PPP6R3: variants seen among roughly 807,000 people sequenced by gnomAD.
PPP6R3 encodes the protein protein phosphatase 6 regulatory subunit 3.
In PPP6R3, 38 loss-of-function variants were observed where a neutral mutation model predicts 110.7. The observed-to-expected ratio is 0.34, with a 90% confidence interval of 0.26 to 0.45. The LOEUF is 0.45. Among genes scored for constraint, PPP6R3 ranks in the 20% least tolerant of loss-of-function variants. The pLI is 1.00. For synonymous variants in PPP6R3, 369 were observed against 373.5 expected (o/e 0.99, Z 0.14); for missense variants, 870 against 1,062.4 (o/e 0.82, Z 2.52).
chr11:68,525,092 C>T (rs1053661099), intron 2 of PPP6R3, among the ~76,000 whole-genome samples: 5 of 152,196 alleles, frequency 3.3e-5, no homozygotes, highest in African/African-American at 9.7e-5. Context: ...GCTAGTCAGA[C>T]CTGGGTTTGT....
chr11:68,597,204 G>A (rs1017271112), intron 19 of PPP6R3, among the ~76,000 whole-genome samples: 1 of 152,208 alleles, frequency 6.6e-6, no homozygotes, highest in African/African-American at 2.4e-5. Context: ...GCAGTGCAGG[G>A]GAATGGGTAC....
chr11:68,602,184 G>A (rs2099633981), intron 21 of PPP6R3, among the ~76,000 whole-genome samples: 2 of 152,232 alleles, frequency 1.3e-5, no homozygotes, highest in Admixed American at 1.3e-4. Context: ...CAGGCATGCA[G>A]TGTGCAGATT....
chr11:68,596,157 A>C lies in PPP6R3; in HGVS notation c.1977A>C (p.Gln659His), dbSNP rs2099613316. ...CTGAAGAAGAAGATGGAGCAAAGCAAGACTTGTTTGAACCCAGCAGTGCCA... is the reference window on the plus strand; with the variant it reads ...CTGAAGAAGAAGATGGAGCAAAGCACGACTTGTTTGAACCCAGCAGTGCCA... ...TDSEEEDGAK[Q>H]DLFEPSSANT... The change falls in exon 19 of 24, where the codon CAA becomes CAC. Residue 659 changes from glutamine to histidine, a missense_variant. Coordinates refer to ENST00000393800, the MANE Select transcript of PPP6R3 (RefSeq NM_001164161.2). The C allele has an allele frequency of 6.2e-7, 1 of 1,614,218 alleles. No individual in the cohort carries two copies. The highest frequency in any genetic ancestry group is 2.2e-5 in the East Asian group (1 of 44,894).
intron 1 of PPP6R3, among the ~76,000 whole-genome samples, chr11:68,510,258 C>T (rs2099102172): frequency 6.6e-6 from 1 of 151,972 alleles, no homozygotes; most frequent in Admixed American, 6.6e-5. Flanking sequence ...AGTGATTTGT[C>T]TTAGCTTCTC....
chr11:68,475,730 C>A (rs1386752446), intron 1 of PPP6R3, among the ~76,000 whole-genome samples: 4 of 151,864 alleles, frequency 2.6e-5, no homozygotes, highest in African/African-American at 9.7e-5. Flanking sequence ...GGAGACGCTC[C>A]TCACTTCTCA....
chr11:68,477,743 T>C (rs7113504), intron 1 of PPP6R3, among the ~76,000 whole-genome samples: 1 of 60,988 alleles, frequency 1.6e-5, no homozygotes, highest in East Asian at 3.5e-4. Flanking sequence ...AAAAAAAAAA[T>C]ATATATATAT....
At chr11:68,535,213 C>T (rs145063015) in intron 2 of PPP6R3, among the ~76,000 whole-genome samples, 3 of 152,280 alleles carry the variant, frequency 2.0e-5, no homozygotes, top group Admixed American at 6.5e-5. Context: ...GTGGCTTCTG[C>T]GGATGCCCCT....
At chr11:68,491,274 A>T (rs909231842) in intron 1 of PPP6R3, among the ~76,000 whole-genome samples, 5 of 149,378 alleles carry the variant, frequency 3.3e-5, no homozygotes, top group Admixed American at 6.7e-5. Context: ...TTTATTAAAA[A>T]TTTTTTTTTC....
At chr11:68,485,270 G>T (rs2098939266) in intron 1 of PPP6R3, among the ~76,000 whole-genome samples, 1 of 142,986 alleles carries the variant, frequency 7.0e-6, no homozygotes, top group South Asian at 2.2e-4. Flanking sequence ...ATAAGTTCTG[G>T]GACTTTTTTT....
intron 8 of PPP6R3, among the ~76,000 whole-genome samples, chr11:68,559,471 A>G (rs1390586532): frequency 2.6e-5 from 4 of 152,228 alleles, no homozygotes; most frequent in African/African-American, 9.6e-5. Context: ...TCATTAAGCA[A>G]GGGATAGAGT....
intron 22 of PPP6R3, chr11:68,609,598 C>T (rs1305066742): frequency 6.4e-7 from 1 of 1,551,866 alleles, no homozygotes; most frequent in South Asian, 1.2e-5. Flanking sequence ...CTGTTTTGCA[C>T]ACTGGGCTTC....
intron 1 of PPP6R3, among the ~76,000 whole-genome samples, chr11:68,509,744 ATTTTT>A (rs59022544): frequency 1.6e-4 from 16 of 102,150 alleles, no homozygotes; most frequent in East Asian, 5.9e-4. Flanking sequence ...CATGTGGCTA[ATTTTT>A]TTTTTTTTTT....
At chr11:68,612,218 C>G (rs1042706622) in intron 23 of PPP6R3, among the ~76,000 whole-genome samples, 1 of 152,176 alleles carries the variant, frequency 6.6e-6, no homozygotes, top group African/African-American at 2.4e-5. Flanking sequence ...GTCTCTCATA[C>G]ACGGAGCCAC....
intron 1 of PPP6R3, among the ~76,000 whole-genome samples, chr11:68,493,200 A>C (rs1275804390): frequency 1.3e-5 from 2 of 152,152 alleles, no homozygotes; most frequent in Admixed American, 6.5e-5. Flanking sequence ...ACTTCCAAAG[A>C]CTAGTTATTT....
intron 2 of PPP6R3, among the ~76,000 whole-genome samples, chr11:68,533,371 T>G (rs2099251355): frequency 6.6e-6 from 1 of 152,118 alleles, no homozygotes; most frequent in Non-Finnish European, 1.5e-5. Flanking sequence ...TATTTCAAGG[T>G]GTTCTTATTT....
chr11:68,464,883 C>CTTTT (rs35642999), intron 1 of PPP6R3, among the ~76,000 whole-genome samples: 1 of 140,140 alleles, frequency 7.1e-6, no homozygotes, highest in Admixed American at 7.2e-5. Context: ...CCAGCTTCAA[C>CTTTT]TTTTTTTTTT....
Position 68,569,748 on chromosome 11 carries a change from A to G in PPP6R3, c.1129A>G (p.Asn377Asp), listed in dbSNP as rs1258726884. The change falls in exon 11 of 24, where the codon AAC (asparagine) becomes GAC (aspartate). Residue 377 changes from asparagine to aspartate, a missense_variant and splice_region_variant. By Grantham distance (23) the Asn-to-Asp change is conservative. Transcript: ENST00000393800. ...MELNSIGVIL[N>D]MFFKYTWNNF... ...AAAACATGGTTTTTCTTTTTTGTAG[A>G]ACATGTTCTTCAAGTATACATGGAA... The G allele has an allele frequency of 6.4e-7, 1 of 1,571,424 alleles. No individual in the cohort carries two copies. Among genetic ancestry groups the G allele is most frequent in the African/African-American group, 1.4e-5 (1 of 73,786 alleles).
At chr11:68,609,692 T>A in intron 22 of PPP6R3, 2 of 1,578,054 alleles carry the variant, frequency 1.3e-6, no homozygotes, top group South Asian at 1.1e-5. Flanking sequence ...GTCCCTGTTT[T>A]GGTTCCCACC....
chr11:68,563,554 T>C (rs61889592), intron 8 of PPP6R3, among the ~76,000 whole-genome samples: 1 of 152,176 alleles, frequency 6.6e-6, no homozygotes, highest in Non-Finnish European at 1.5e-5. Context: ...AATGTGGACG[T>C]ATGTTTTGGG....
Sources: allele counts gnomAD v4.1 joint callset (sites outside exome capture counted in the v4.1 genomes callset), GRCh38; gene constraint gnomAD v4.1.1; transcripts MANE v1.5; gene names NCBI Gene and HGNC (gene_info 2026-07-23, HGNC 2026-07-21).